The following ACYP2 variants were observed in gnomAD, a reference collection of about 807,000 sequenced individuals.
ACYP2 encodes acylphosphatase 2, also known as acylphosphatase-2.
In ACYP2, 12 loss-of-function variants were observed where a neutral mutation model predicts 11.2. The ratio of observed to expected loss-of-function variants is 1.08; its 90% confidence interval spans 0.69 to 1.74. The LOEUF is 1.74. Among genes scored for constraint, ACYP2 ranks in the 40% most tolerant of loss-of-function variants. The pLI, the probability that ACYP2 is intolerant of heterozygous loss-of-function variation, is 0.00. For synonymous variants in ACYP2, 43 were observed against 32.2 expected, an observed-to-expected ratio of 1.33 and a Z score of -1.13; for missense variants, 134 against 101.9, an observed-to-expected ratio of 1.31 and a Z score of -1.35.
chr2:54,017,831 C>T (rs1673783304), intron 2 of ACYP2, among the ~76,000 whole-genome samples: 1 of 151,932 alleles, frequency 6.6e-6, no homozygotes, highest in African/African-American at 2.4e-5. Context: ...GAAGGAGTGG[C>T]AGTTATCAGT....
In ACYP2 at chr2:53,973,702, T is replaced by C. The variant is rs1671292179; in HGVS notation, c.-36-11T>C. The C allele has an allele frequency of 3.5e-6, 1 of 282,174 alleles. No individual in the cohort carries two copies. The highest frequency in any genetic ancestry group is 6.5e-6 in the Non-Finnish European group (1 of 152,802). The allele number at this position is 282,174 out of a possible 1,614,324, so 17.5% of individuals were successfully genotyped here. ...GGTAATCCCAACACCCTTTGCTGAC[T>C]CCTTTTTCAGACTCAGCCTGCCTGC... On this transcript the variant is annotated splice_polypyrimidine_tract_variant and intron_variant, in intron 1 of 6. Transcript: ENST00000607452.
intron 2 of ACYP2, among the ~76,000 whole-genome samples, chr2:53,977,825 A>G (rs533877008): frequency 9.2e-5 from 14 of 151,424 alleles, no homozygotes; most frequent in African/African-American, 2.7e-4. Flanking sequence ...CATACTTAAC[A>G]TTCTGGCTTT....
rs770600467 is a variant in ACYP2, at chr2:54,305,001, T to C, written c.*199T>C. The C allele has an allele frequency of 1.0e-4, 38 of 375,376 alleles. No individual in the cohort carries two copies. Among genetic ancestry groups the C allele is most frequent in the Non-Finnish European group, 1.7e-4 (35 of 211,220 alleles). 23.3% of individuals were successfully genotyped at this position (375,376 alleles called of 1,614,324 possible). A position where few individuals can be genotyped will look rare whatever the true frequency, so the allele number is the denominator to read the frequency against. The stretch of plus-strand genomic sequence containing the variant: ...TTTTCAACAAGCAAAAATATAGTAT[T>C]CTAAGATTAAAATGTCATTACAAAA... On this transcript the variant is annotated 3_prime_UTR_variant, in exon 7 of 7. Coordinates refer to ENST00000607452, the MANE Select transcript of ACYP2 (RefSeq NM_001320586.2).
chr2:54,192,386 A>AT (rs951134612), intron 6 of ACYP2, among the ~76,000 whole-genome samples: 2 of 151,952 alleles, frequency 1.3e-5, no homozygotes, highest in Non-Finnish European at 2.9e-5. Flanking sequence ...CTTATTTTTA[A>AT]TTTTTTTAAA....
chr2:54,101,634 A>C (rs1678897385), intron 4 of ACYP2, among the ~76,000 whole-genome samples: 1 of 148,040 alleles, frequency 6.8e-6, no homozygotes, highest in Admixed American at 6.8e-5. Context: ...AGATTGCGCC[A>C]TTGCAATCCA....
chr2:54,135,945 T>C (rs773627644), intron 5 of ACYP2, among the ~76,000 whole-genome samples: 1 of 152,266 alleles, frequency 6.6e-6, no homozygotes, highest in Non-Finnish European at 1.5e-5. Flanking sequence ...TTGCCCAGTC[T>C]GGAGTACAGT....
chr2:54,283,812 T>TAACA (rs1342090007), intron 6 of ACYP2, among the ~76,000 whole-genome samples: 1 of 152,166 alleles, frequency 6.6e-6, no homozygotes, highest in African/African-American at 2.4e-5. Flanking sequence ...ACTGATCTAT[T>TAACA]AACATTAAAA....
chr2:54,173,135 A>G (rs1417758570), intron 6 of ACYP2, among the ~76,000 whole-genome samples: 1 of 152,206 alleles, frequency 6.6e-6, no homozygotes, highest in Admixed American at 6.5e-5. Context: ...GTCTTCCACA[A>G]TGGTTGAACT....
Position 54,185,520 on chromosome 2 carries a change from G to C in ACYP2, c.404+46772G>C, listed in dbSNP as rs534361154. ...GGAATTGAGCTTTTGGTTATTTACC[G>C]CCTAAAGCATAGGGATTTTTTTAAA... is the stretch of plus-strand genomic sequence containing the variant. On this transcript the variant is annotated intron_variant, in intron 6 of 6. Coordinates refer to ENST00000607452, the MANE Select transcript of ACYP2 (RefSeq NM_001320586.2). 5.3e-5 allele frequency among the ~76,000 whole-genome samples: 8 copies of C among 152,026 alleles called. No homozygotes were observed. The East Asian group carries it at 1.5e-3, about 29-fold the overall frequency.
intron 2 of ACYP2, among the ~76,000 whole-genome samples, chr2:53,992,419 G>A (rs757178647): frequency 3.3e-5 from 5 of 152,192 alleles, no homozygotes; most frequent in Non-Finnish European, 7.3e-5. Context: ...ATTATAAGGG[G>A]ATAAGAATGA....
At chr2:53,977,386 A>G (rs774509158) in intron 2 of ACYP2, among the ~76,000 whole-genome samples, 2 of 152,008 alleles carry the variant, frequency 1.3e-5, no homozygotes, top group Non-Finnish European at 2.9e-5. Context: ...GTTTTTATGC[A>G]GTATTTTACT....
At chr2:54,038,947 GAGA>G (rs747711009) in intron 2 of ACYP2, among the ~76,000 whole-genome samples, 10 of 152,020 alleles carry the variant, frequency 6.6e-5, no homozygotes, top group Non-Finnish European at 1.0e-4. Context: ...AGGGCTCACT[GAGA>G]AGGAGATATT....
chr2:54,192,575 A>G (rs963775279), intron 6 of ACYP2, among the ~76,000 whole-genome samples: 4 of 152,184 alleles, frequency 2.6e-5, no homozygotes, highest in African/African-American at 9.7e-5. Flanking sequence ...TAGTCAAAAA[A>G]CTTTGATGCC....
chr2:54,074,875 G>A (rs2103654608), intron 4 of ACYP2, among the ~76,000 whole-genome samples: 1 of 152,242 alleles, frequency 6.6e-6, no homozygotes, highest in South Asian at 2.1e-4. Context: ...TCACATTATG[G>A]AAGGCAATCT....
At chr2:54,061,485 A>T (rs533025346) in intron 4 of ACYP2, among the ~76,000 whole-genome samples, 1 of 152,310 alleles carries the variant, frequency 6.6e-6, no homozygotes, top group South Asian at 2.1e-4. Context: ...AAAGTTGCTG[A>T]TGATGTTGTT....
chr2:54,240,164 G>A (rs1373431564), intron 6 of ACYP2, among the ~76,000 whole-genome samples: 1 of 152,192 alleles, frequency 6.6e-6, no homozygotes, highest in Non-Finnish European at 1.5e-5. Flanking sequence ...GAGTAGCACT[G>A]AGAATGCCCA....
chr2:54,115,884 A>ACAG (rs1449884601), intron 4 of ACYP2, 128 bp downstream of exon 1: 6 of 1,204,444 alleles, frequency 5.0e-6, no homozygotes, highest in Non-Finnish European at 6.6e-6. Context: ...CCGCCATGAC[A>ACAG]CAGCAGCGGC....
At chr2:54,076,158 G>A (rs1418664872) in intron 4 of ACYP2, among the ~76,000 whole-genome samples, 1 of 152,130 alleles carries the variant, frequency 6.6e-6, no homozygotes, top group African/African-American at 2.4e-5. Context: ...TAAATCTGGT[G>A]GGGAGCTTAT....
intron 4 of ACYP2, among the ~76,000 whole-genome samples, chr2:54,065,083 CTAAATAAA>C (rs58007169): frequency 0.11 from 16,799 of 148,860 alleles, 1,024 homozygotes; most frequent in East Asian, 0.28. Context: ...GACTCCATCT[CTAAATAAA>C]TAAATAAATA....
Sources: gnomAD v4.1 joint callset for allele counts (sites outside exome capture counted in the v4.1 genomes callset) on GRCh38, gnomAD v4.1.1 for gene constraint, MANE v1.5 for transcripts, NCBI Gene and HGNC (gene_info 2026-07-23, HGNC 2026-07-21) for gene names.